The following GRID2 variants were observed in gnomAD, a reference collection of about 807,000 sequenced individuals.
GRID2 encodes glutamate receptor ionotropic, delta-2.
Under a neutral mutation model 114.8 loss-of-function variants are expected in GRID2, and 33 were observed. The ratio of observed to expected loss-of-function variants is 0.29; its 90% CI spans 0.22 to 0.38. The LOEUF is 0.38. GRID2 is among the 10% of genes least tolerant of loss of function. The pLI is 1.00. For synonymous variants in GRID2, 505 were observed against 449.9 expected (o/e 1.12, Z -1.55); for missense variants, 1,184 against 1,257.7 (o/e 0.94, Z 0.89).
At chr4:92,712,221 T>A (rs1029859060) in intron 2 of GRID2, among the ~76,000 whole-genome samples, 1 of 152,228 alleles carries the variant, frequency 6.6e-6, no homozygotes, top group South Asian at 2.1e-4. Flanking sequence ...CTAATTGGTA[T>A]ATGTATTTTG....
intron 2 of GRID2, among the ~76,000 whole-genome samples, chr4:92,773,952 G>C (rs1462280153): frequency 6.6e-6 from 1 of 152,044 alleles, no homozygotes; most frequent in African/African-American, 2.4e-5. Context: ...GCTTTTAAGT[G>C]CAAAAGACAA....
intron 2 of GRID2, among the ~76,000 whole-genome samples, chr4:92,767,885 C>G (rs1219364480): frequency 6.6e-6 from 1 of 151,326 alleles, no homozygotes; most frequent in African/African-American, 2.4e-5. Flanking sequence ...CCACTGCACT[C>G]CAATCTCACC....
chr4:93,067,491 A>T (rs1728404471), intron 2 of GRID2, among the ~76,000 whole-genome samples: 1 of 151,944 alleles, frequency 6.6e-6, no homozygotes, highest in African/African-American at 2.4e-5. Flanking sequence ...TATCCCATTG[A>T]AGTTATTTCA....
intron 2 of GRID2, among the ~76,000 whole-genome samples, chr4:93,035,121 T>TC (rs200359822): frequency 6.6e-5 from 10 of 151,198 alleles, no homozygotes; most frequent in African/African-American, 1.7e-4. Context: ...TTTTTTTTTT[T>TC]CTGAGGCAGA....
chr4:93,343,598 C>T (rs1391638781), intron 8 of GRID2, among the ~76,000 whole-genome samples: 1 of 152,058 alleles, frequency 6.6e-6, no homozygotes, highest in Non-Finnish European at 1.5e-5. Flanking sequence ...AAAAAGAAAT[C>T]TTTCCATGTA....
chr4:93,255,822 C>T (rs1193324596), intron 8 of GRID2, among the ~76,000 whole-genome samples: 1 of 151,996 alleles, frequency 6.6e-6, no homozygotes, highest in Non-Finnish European at 1.5e-5. Context: ...GCTAAATAGA[C>T]CTTTATTCCT....
At chr4:92,437,259 T>C (rs1044755118) in intron 1 of GRID2, among the ~76,000 whole-genome samples, 1 of 152,200 alleles carries the variant, frequency 6.6e-6, no homozygotes, top group African/African-American at 2.4e-5. Flanking sequence ...ATGATTCATT[T>C]ATATTTCTCT....
intron 4 of GRID2, among the ~76,000 whole-genome samples, chr4:93,205,579 CCAAGTCTTTGCTATTGTG>C (rs1368215849): frequency 2.9e-4 from 44 of 152,126 alleles, no homozygotes; most frequent in Non-Finnish European, 5.9e-4. Flanking sequence ...TAGGTTGGTT[CCAAGTCTTTGCTATTGTG>C]AATAGTGCCG....
At chr4:93,138,386 G>C (rs145534120) in intron 4 of GRID2, among the ~76,000 whole-genome samples, 276 of 152,136 alleles carry the variant, frequency 1.8e-3, no homozygotes, top group Middle Eastern at 0.01. Flanking sequence ...TATGCCCCTT[G>C]TGCTCTATTA....
chr4:92,849,757 C>A (rs1004826167), intron 2 of GRID2, among the ~76,000 whole-genome samples: 4 of 151,674 alleles, frequency 2.6e-5, no homozygotes, highest in Admixed American at 1.3e-4. Flanking sequence ...GTAAGATTGG[C>A]TTCTAATATG....
At chr4:92,617,995 G>T (rs546384955) in intron 2 of GRID2, among the ~76,000 whole-genome samples, 32 of 151,570 alleles carry the variant, frequency 2.1e-4, no homozygotes, top group African/African-American at 7.7e-4. Flanking sequence ...TGTTTCCTTT[G>T]CAGTGTAGAA....
chr4:92,484,558 A>C (rs1236867610), intron 1 of GRID2, among the ~76,000 whole-genome samples: 1 of 152,142 alleles, frequency 6.6e-6, no homozygotes, highest in Non-Finnish European at 1.5e-5. Context: ...GGAGAGACAC[A>C]TTCAATATTT....
chr4:92,788,149 C>T (rs924289209), intron 2 of GRID2, among the ~76,000 whole-genome samples: 7 of 151,410 alleles, frequency 4.6e-5, no homozygotes, highest in South Asian at 2.1e-4. Flanking sequence ...AGGGGAGAGG[C>T]GAGGACATTT....
chr4:92,445,253 T>A (rs74632011), intron 1 of GRID2, among the ~76,000 whole-genome samples: 1,693 of 152,280 alleles, frequency 0.011, 16 homozygotes, highest in Non-Finnish European at 0.018. Flanking sequence ...AGTCCCAGAC[T>A]CTCTTGCCCT....
At chr4:92,543,904 A>G (rs748732945) in intron 1 of GRID2, among the ~76,000 whole-genome samples, 2 of 152,210 alleles carry the variant, frequency 1.3e-5, no homozygotes, top group Non-Finnish European at 2.9e-5. Flanking sequence ...TAGTGCTTAC[A>G]GAGTTTTACC....
At chr4:93,596,016 G>T (rs1349856454) in intron 13 of GRID2, among the ~76,000 whole-genome samples, 4 of 152,118 alleles carry the variant, frequency 2.6e-5, no homozygotes, top group African/African-American at 9.7e-5. Flanking sequence ...GAGTAGTTAA[G>T]TAAATTATTT....
intron 4 of GRID2, among the ~76,000 whole-genome samples, chr4:93,122,695 T>C (rs1394969138): frequency 6.6e-6 from 1 of 151,956 alleles, no homozygotes; most frequent in African/African-American, 2.4e-5. Flanking sequence ...TTGCATGGAA[T>C]TGTAAGAAAA....
chr4:93,112,263 G>T (rs764632330), intron 4 of GRID2: 1 of 152,056 alleles, frequency 6.6e-6, no homozygotes. Context: ...ACTGGACTTC[G>T]TGTCATGGGT....
chr4:93,793,473 A>G (rs983065402), intron 1 of GRID2, among the ~76,000 whole-genome samples: 1 of 152,176 alleles, frequency 6.6e-6, no homozygotes, highest in Non-Finnish European at 1.5e-5. Flanking sequence ...GGCAACTTCC[A>G]ATTCCTCCTA....
Sources: allele counts gnomAD v4.1 joint callset (sites outside exome capture counted in the v4.1 genomes callset), GRCh38; gene constraint gnomAD v4.1.1; transcripts MANE v1.5; gene names NCBI Gene and HGNC (gene_info 2026-07-23, HGNC 2026-07-21).